Variants in KCNMA1 observed in about 807,000 individuals in gnomAD.
KCNMA1 encodes the protein potassium calcium-activated channel subfamily M alpha 1.
A neutral mutation model predicts 140.0 loss-of-function variants in KCNMA1; 29 were observed. That is an observed-to-expected ratio of 0.21 (90% CI 0.15 to 0.28). The LOEUF (loss-of-function observed/expected upper bound fraction) is 0.28. Ranked by LOEUF, KCNMA1 falls within the 10% of genes least tolerant of loss-of-function variation. The pLI is 1.00. For missense variants in KCNMA1, 880 were observed against 1,602.2 expected (o/e 0.55, Z 7.70); for synonymous variants, 612 against 611.9 (o/e 1.00, Z 0.00).
intron 1 of KCNMA1, among the ~76,000 whole-genome samples, chr10:77,551,006 T>C (rs2154556950): frequency 6.6e-6 from 1 of 152,264 alleles, no homozygotes; most frequent in East Asian, 1.9e-4. Flanking sequence ...TTCCTATTTA[T>C]TTTTTTGTAG....
exon 28 of KCNMA1, chr10:76,870,823 ACT>A (rs1290536271): frequency 6.6e-6 from 1 of 152,058 alleles, no homozygotes; most frequent in African/African-American, 2.4e-5. Context: ...CTCATGACAA[ACT>A]CTGGGAATAT....
In KCNMA1 at chr10:76,932,617, A is replaced by G. The variant is rs549919594; in HGVS notation, c.2902+12156T>C. Among the ~76,000 whole-genome samples the G allele has an allele frequency of 2.0e-5, 3 of 152,324 alleles. No homozygotes were observed. The South Asian group carries it at 6.2e-4, about 32-fold the overall frequency. ...GTGTTTTGGGGTGGGGTCATTTAAT[A>G]TATAGATATATAGATGAGGAAATGA... On this transcript the variant is annotated intron_variant, in intron 23 of 27. Coordinates refer to ENST00000286628, the MANE Select transcript of KCNMA1 (RefSeq NM_001161352.2).
At chr10:77,272,408 GATAC>G (rs2065404640) in intron 2 of KCNMA1, among the ~76,000 whole-genome samples, 2 of 152,012 alleles carry the variant, frequency 1.3e-5, no homozygotes. Context: ...CATAATACTT[GATAC>G]ATACAGTTAA....
At chr10:77,276,848 A>T (rs1294117589) in intron 2 of KCNMA1, among the ~76,000 whole-genome samples, 1 of 152,168 alleles carries the variant, frequency 6.6e-6, no homozygotes, top group Non-Finnish European at 1.5e-5. Flanking sequence ...TGTGCCAGGC[A>T]CTATTCTAAA....
chr10:77,507,634 G>C (rs1238759590), intron 1 of KCNMA1, among the ~76,000 whole-genome samples: 1 of 152,168 alleles, frequency 6.6e-6, no homozygotes, highest in African/African-American at 2.4e-5. Flanking sequence ...ACATGCCCAA[G>C]CTATGACCCA....
At chr10:77,028,466 G>T (rs1257319783) in intron 15 of KCNMA1, among the ~76,000 whole-genome samples, 1 of 152,052 alleles carries the variant, frequency 6.6e-6, no homozygotes, top group East Asian at 1.9e-4. Flanking sequence ...AGACTGCTTT[G>T]AGGCTGGCTT....
Position 76,886,333 on chromosome 10 carries a change from A to G in KCNMA1, c.*933T>C, listed in dbSNP as rs1016011948. 8 of 985,278 alleles carry G rather than the reference A, an allele frequency of 8.1e-6. No homozygotes were observed. The highest frequency in any genetic ancestry group is 5.2e-4 in the Middle Eastern group (1 of 1,914). 61.0% of individuals were successfully genotyped at this position (985,278 alleles called of 1,614,324 possible). On this transcript the variant is annotated 3_prime_UTR_variant, in exon 28 of 28. Transcript: ENST00000286628. ...ATTCTGTACATAAGGTAAGTAATTC[A>G]CCTTTTAAAAGATGTAAAAGTCCCA...
intron 15 of KCNMA1, among the ~76,000 whole-genome samples, chr10:77,037,791 C>G (rs769202312): frequency 6.6e-6 from 1 of 152,150 alleles, no homozygotes; most frequent in Non-Finnish European, 1.5e-5. Flanking sequence ...TTTTATAAAA[C>G]TAGCTTCTGT....
chr10:77,465,713 C>T (rs541270659), intron 1 of KCNMA1, among the ~76,000 whole-genome samples: 2 of 152,250 alleles, frequency 1.3e-5, no homozygotes, highest in Non-Finnish European at 2.9e-5. Context: ...AAAAACTGGT[C>T]GAGGGGTAGC....
In KCNMA1 at chr10:76,920,020, G is replaced by GTGTGTATA. The variant is rs1177257916; in HGVS notation, c.2903-4972_2903-4971insTATACACA. On this transcript the variant is annotated intron_variant, in intron 23 of 27. Coordinates refer to ENST00000286628, the MANE Select transcript of KCNMA1 (RefSeq NM_001161352.2). ...TGTGTGTGTGTGTGTGTGTGTGTGTGTATATATATATATATATATATATAT... is the reference window on the plus strand; with the variant it reads ...TGTGTGTGTGTGTGTGTGTGTGTGTGTGTGTATATATATATATATATATATATATATAT... 2.5e-3 allele frequency among the ~76,000 whole-genome samples: 85 copies of GTGTGTATA among 34,416 alleles called. 2 individuals are homozygous for GTGTGTATA. The highest frequency in any genetic ancestry group is 9.1e-3 in the East Asian group (7 of 770). 22.6% of individuals were successfully genotyped at this position (34,416 alleles called of 152,430 possible). A position where few individuals can be genotyped will look rare whatever the true frequency, so the allele number is the denominator to read the frequency against.
chr10:77,222,150 C>A (rs764393237), intron 3 of KCNMA1, among the ~76,000 whole-genome samples: 1 of 152,176 alleles, frequency 6.6e-6, no homozygotes, highest in Non-Finnish European at 1.5e-5. Flanking sequence ...GGAGTAGAGA[C>A]GCTGCTCTCC....
intron 1 of KCNMA1, among the ~76,000 whole-genome samples, chr10:77,547,755 A>G (rs1453459958): frequency 6.6e-6 from 1 of 152,218 alleles, no homozygotes; most frequent in Non-Finnish European, 1.5e-5. Context: ...AGCAGCACCC[A>G]AGACTAGCAA....
intron 1 of KCNMA1, among the ~76,000 whole-genome samples, chr10:77,486,694 G>C (rs2098464657): frequency 6.6e-6 from 1 of 152,228 alleles, no homozygotes; most frequent in Non-Finnish European, 1.5e-5. Context: ...TGAAGCCAGG[G>C]AGGATGAGAG....
At chr10:77,252,681 T>A (rs750443133) in intron 2 of KCNMA1, among the ~76,000 whole-genome samples, 1 of 152,114 alleles carries the variant, frequency 6.6e-6, no homozygotes, top group African/African-American at 2.4e-5. Flanking sequence ...GAAATCTGCA[T>A]GAGATACTCA....
intron 1 of KCNMA1, among the ~76,000 whole-genome samples, chr10:77,418,055 C>T (rs1475287771): frequency 1.3e-5 from 2 of 152,218 alleles, no homozygotes; most frequent in African/African-American, 4.8e-5. Context: ...CCCTGGGTTC[C>T]CACACACCCT....
At chr10:77,260,994 G>A (rs895188246) in intron 2 of KCNMA1, among the ~76,000 whole-genome samples, 7 of 152,040 alleles carry the variant, frequency 4.6e-5, no homozygotes, top group Non-Finnish European at 7.4e-5. Context: ...ACACAAACAC[G>A]CTGCAAGGGG....
At chr10:76,953,390 A>G (rs546640671) in intron 21 of KCNMA1, among the ~76,000 whole-genome samples, 14 of 152,326 alleles carry the variant, frequency 9.2e-5, no homozygotes, top group African/African-American at 3.1e-4. Flanking sequence ...CTACAGCCCT[A>G]TGAGTTAGGG....
intron 23 of KCNMA1, among the ~76,000 whole-genome samples, chr10:76,920,031 T>A (rs1437334019): frequency 1.8e-5 from 2 of 108,514 alleles, no homozygotes; most frequent in African/African-American, 8.2e-5. Context: ...TATATATATA[T>A]ATATATATAT....
At chr10:76,899,492 C>T (rs1300790141) in intron 25 of KCNMA1, among the ~76,000 whole-genome samples, 3 of 152,226 alleles carry the variant, frequency 2.0e-5, no homozygotes, top group East Asian at 3.9e-4. Flanking sequence ...GCTCTGCCAT[C>T]CATTACTTTT....
Sources: allele counts gnomAD v4.1 joint callset (sites outside exome capture counted in the v4.1 genomes callset), GRCh38; gene constraint gnomAD v4.1.1; transcripts MANE v1.5; gene names NCBI Gene and HGNC (gene_info 2026-07-23, HGNC 2026-07-21).